Variants in KCNAB1 observed in about 807,000 individuals in gnomAD.
The protein encoded by KCNAB1 is potassium voltage-gated channel subfamily A regulatory beta subunit 1, also known as voltage-gated potassium channel subunit beta-1.
In KCNAB1, 35 loss-of-function variants were observed where a neutral mutation model predicts 64.6. The observed-to-expected ratio is 0.54, with a 90% CI of 0.41 to 0.72. KCNAB1 has a LOEUF of 0.72. Ranked by LOEUF, KCNAB1 falls within the 30% of genes least tolerant of loss-of-function variation. The pLI is 0.00. For synonymous variants in KCNAB1, 177 were observed against 183.8 expected, an observed-to-expected ratio of 0.96 and a Z score of 0.30; for missense variants, 401 against 512.9, an observed-to-expected ratio of 0.78 and a Z score of 2.11.
intron 1 of KCNAB1, among the ~76,000 whole-genome samples, chr3:156,418,085 G>A (rs1715212130): frequency 6.6e-6 from 1 of 152,184 alleles, no homozygotes; most frequent in African/African-American, 2.4e-5. Flanking sequence ...AAATGAACAT[G>A]GTGAGACTTG....
At chr3:156,204,998 A>G (rs915078271) in intron 1 of KCNAB1, among the ~76,000 whole-genome samples, 2 of 152,242 alleles carry the variant, frequency 1.3e-5, no homozygotes, top group Admixed American at 1.3e-4. Flanking sequence ...CAAATAGCCA[A>G]CATGTACAAC....
At chr3:156,340,314 T>G (rs1724010428) in intron 1 of KCNAB1, among the ~76,000 whole-genome samples, 1 of 152,230 alleles carries the variant, frequency 6.6e-6, no homozygotes, top group South Asian at 2.1e-4. Context: ...TGATTCAGTT[T>G]TCCTTCTGAA....
chr3:156,148,808 C>T (rs1715210091), intron 1 of KCNAB1, among the ~76,000 whole-genome samples: 1 of 151,798 alleles, frequency 6.6e-6, no homozygotes. Context: ...GAATATTGCA[C>T]AATTCTGAAC....
chr3:156,502,265 C>A (rs1423281880), intron 8 of KCNAB1, among the ~76,000 whole-genome samples: 4 of 152,082 alleles, frequency 2.6e-5, no homozygotes, highest in African/African-American at 7.2e-5. Flanking sequence ...GAAGGACATG[C>A]CCTATCACAG....
chr3:156,298,512 A>T (rs1720941569), intron 1 of KCNAB1, among the ~76,000 whole-genome samples: 1 of 152,226 alleles, frequency 6.6e-6, no homozygotes, highest in Non-Finnish European at 1.5e-5. Flanking sequence ...TTCTGAAAGG[A>T]GAAAAAAATC....
At chr3:156,281,682 G>A (rs1576673868) in intron 1 of KCNAB1, among the ~76,000 whole-genome samples, 1 of 151,646 alleles carries the variant, frequency 6.6e-6, no homozygotes, top group South Asian at 2.1e-4. Context: ...CTTCTTCCTG[G>A]TTTAGTCTTG....
chr3:156,357,159 G>GCGCACACACA lies in KCNAB1; in HGVS notation c.276-64456_276-64455insGCACACACAC, dbSNP rs545909634. Among the ~76,000 whole-genome samples the GCGCACACACA allele has an allele frequency of 3.2e-3, 468 of 147,390 alleles. 1 individual carries two copies. The highest frequency in any genetic ancestry group is 0.011 in the African/African-American group (443 of 40,506). On this transcript the variant is annotated intron_variant, in intron 1 of 13. Coordinates refer to ENST00000490337, the MANE Select transcript of KCNAB1 (RefSeq NM_172160.3). The stretch of plus-strand genomic sequence containing the variant: ...CACATACACAAACACACATGTGCGC[G>GCGCACACACA]CACACACACACACACACACACACAC...
chr3:156,287,675 G>A (rs531748839), intron 1 of KCNAB1, among the ~76,000 whole-genome samples: 1 of 151,904 alleles, frequency 6.6e-6, no homozygotes, highest in East Asian at 1.9e-4. Flanking sequence ...AAAAATACAA[G>A]GCGTGATGGT....
intron 1 of KCNAB1, among the ~76,000 whole-genome samples, chr3:156,357,159 GCACACA>G (rs112441885): frequency 2.1e-4 from 31 of 147,404 alleles, no homozygotes; most frequent in Non-Finnish European, 3.2e-4. Context: ...ACATGTGCGC[GCACACA>G]CACACACACA....
At chr3:156,208,211 A>C (rs1458286669) in intron 1 of KCNAB1, among the ~76,000 whole-genome samples, 1 of 152,134 alleles carries the variant, frequency 6.6e-6, no homozygotes, top group Non-Finnish European at 1.5e-5. Context: ...GTGGATCATC[A>C]TGATTTCCCA....
chr3:156,314,945 T>C (rs1019651696), intron 1 of KCNAB1, among the ~76,000 whole-genome samples: 2 of 151,906 alleles, frequency 1.3e-5, no homozygotes, highest in Admixed American at 1.3e-4. Flanking sequence ...ACCGAGGAGA[T>C]GGAGGTTGCA....
chr3:156,458,260 C>G (rs150069641), intron 4 of KCNAB1, among the ~76,000 whole-genome samples: 1 of 152,316 alleles, frequency 6.6e-6, no homozygotes, highest in African/African-American at 2.4e-5. Context: ...AGGAAATGCG[C>G]CAGGCCAGGC....
At chr3:156,382,477 C>T (rs908241578) in intron 1 of KCNAB1, among the ~76,000 whole-genome samples, 2 of 151,984 alleles carry the variant, frequency 1.3e-5, no homozygotes, top group African/African-American at 2.4e-5. Context: ...AGAGAAACTC[C>T]GTCTCAAAAC....
At chr3:156,359,061 A>G (rs1325520779) in intron 1 of KCNAB1, among the ~76,000 whole-genome samples, 2 of 152,228 alleles carry the variant, frequency 1.3e-5, no homozygotes, top group Non-Finnish European at 2.9e-5. Context: ...TGGGCTTTTT[A>G]AAATATGAAT....
At chr3:156,516,879 T>C (rs1272764393) in intron 11 of KCNAB1, among the ~76,000 whole-genome samples, 1 of 152,174 alleles carries the variant, frequency 6.6e-6, no homozygotes, top group Admixed American at 6.5e-5. Flanking sequence ...AGGAGACAGA[T>C]ACATAGCAAA....
At chr3:156,137,976 A>C (rs896601089) in intron 1 of KCNAB1, among the ~76,000 whole-genome samples, 8 of 152,110 alleles carry the variant, frequency 5.3e-5, no homozygotes, top group African/African-American at 1.9e-4. Context: ...GTTTAGCCTC[A>C]GTGATTGCCT....
At chr3:156,420,646 G>C (rs1242035943) in intron 1 of KCNAB1, among the ~76,000 whole-genome samples, 1 of 152,244 alleles carries the variant, frequency 6.6e-6, no homozygotes, top group East Asian at 1.9e-4. Flanking sequence ...AGAGAATAAG[G>C]GTGCACTTTT....
chr3:156,457,476 C>A lies in KCNAB1; in HGVS notation c.381C>A (p.Ile127=). The part of the protein sequence containing the change: ...SDEVAERLMT[I]AYESGVNLFD... ...AGGTTGCTGAACGGCTGATGACCAT[C>A]GCCTATGAAAGTGGTGTTAACCTCT... Residue 127 remains isoleucine (I), a synonymous_variant, in exon 4 of 14, where the codon ATC becomes ATA. Transcript: ENST00000490337. The A allele has an allele frequency of 6.2e-7, 1 of 1,613,902 alleles. No individual in the cohort carries two copies. The highest frequency in any genetic ancestry group is 1.1e-5 in the South Asian group (1 of 91,074).
At position 156,354,180 on chromosome 3, in the gene KCNAB1, G is replaced by A. The variant is rs114418933; in HGVS notation, c.276-67436G>A. Among the ~76,000 whole-genome samples the A allele has an allele frequency of 7.1e-3, 993 of 139,940 alleles. 13 individuals carry two copies. The highest frequency in any genetic ancestry group is 0.025 in the African/African-American group (962 of 38,910). 91.8% of individuals were successfully genotyped at this position (139,940 alleles called of 152,430 possible). ...TATATGTATATATTTTTTTTTGGAC[G>A]GAGATTTCTCTTAGTACCCAGGCTG... On this transcript the variant is annotated intron_variant, in intron 1 of 13. Coordinates refer to ENST00000490337, the MANE Select transcript of KCNAB1 (RefSeq NM_172160.3).
Sources: allele counts gnomAD v4.1 joint callset (sites outside exome capture counted in the v4.1 genomes callset), GRCh38; gene constraint gnomAD v4.1.1; transcripts MANE v1.5; gene names NCBI Gene and HGNC (gene_info 2026-07-23, HGNC 2026-07-21).